NLRP5: variants seen among roughly 807,000 people sequenced by gnomAD.
NLRP5 encodes NACHT, LRR and PYD domains-containing protein 5.
NLRP5 carries 93 observed loss-of-function variants against 113.1 expected under a neutral mutation model. That is an observed-to-expected ratio of 0.82 (90% CI 0.70 to 0.98). The LOEUF (loss-of-function observed/expected upper bound fraction) is 0.98. Among genes scored for constraint, NLRP5 ranks in the 50% least tolerant of loss-of-function variants. The pLI, the probability that NLRP5 is intolerant of heterozygous loss-of-function variation, is 0.00. For missense variants in NLRP5, 1,808 were observed against 1,514.3 expected, an observed-to-expected ratio of 1.19 and a Z score of -3.22; for synonymous variants, 751 against 600.7, an observed-to-expected ratio of 1.25 and a Z score of -3.66.
the NLRP5 span, chr19:55,988,400 GAAAA>G: frequency 3.2e-5 from 3 of 92,572 alleles, no homozygotes; most frequent in African/African-American, 8.5e-5. Context: ...GTCTCAAGAA[GAAAA>G]AAAAAATACA....
At chr19:56,018,385 G>T (rs1599885574) in intron 4 of NLRP5, among the ~76,000 whole-genome samples, 1 of 152,108 alleles carries the variant, frequency 6.6e-6, no homozygotes, top group East Asian at 1.9e-4. Context: ...TATATATAGT[G>T]GTTATTCTCA....
intron 9 of NLRP5, among the ~76,000 whole-genome samples, chr19:56,036,230 A>T (rs1366302400): frequency 6.6e-6 from 1 of 150,798 alleles, no homozygotes; most frequent in East Asian, 2.0e-4. Flanking sequence ...CGCCCGGCTA[A>T]TTTTTTTGTA....
chr19:56,042,680 T>G (rs1001250395), intron 11 of NLRP5, among the ~76,000 whole-genome samples: 3 of 152,150 alleles, frequency 2.0e-5, no homozygotes, highest in Non-Finnish European at 4.4e-5. Context: ...TGATTTGTGA[T>G]ATTTTGGTGC....
chr19:56,010,755 AGTCCCTTG>A (rs1982155893), intron 3 of NLRP5, among the ~76,000 whole-genome samples: 59 of 125,724 alleles, frequency 4.7e-4, no homozygotes, highest in South Asian at 7.4e-4. Flanking sequence ...AAAAAAAAAA[AGTCCCTTG>A]AAACTAAGCC....
chr19:56,011,480 T>C lies in NLRP5; in HGVS notation c.508+2627T>C, dbSNP rs546982989. ...CACTTTCAATGGGTGAATTGTATGA[T>C]TTGTGAAATTTATTTCTGTAAATCT... On this transcript the variant is annotated intron_variant, in intron 3 of 14. Transcript: ENST00000390649. 7.2e-5 allele frequency among the ~76,000 whole-genome samples: 11 copies of C among 152,274 alleles called. No homozygotes were observed. The East Asian group carries it at 1.4e-3, about 19-fold the overall frequency.
At chr19:55,989,870 C>T in the NLRP5 span, among the ~76,000 whole-genome samples, 7 of 152,124 alleles carry the variant, frequency 4.6e-5, no homozygotes, top group African/African-American at 7.2e-5. Context: ...GTTAAAGTAC[C>T]GTCCAAAAAG....
rs1197790954 is a variant in NLRP5, at chr19:56,019,472, A to G, written c.622+74A>G. ...GGTGAAAGAAGTGTAAGTAGTTTAG[A>G]TTTCAAGGGTATGTAGTTTAGATTG... On this transcript the variant is annotated intron_variant, in intron 5 of 14. Coordinates refer to ENST00000390649, the MANE Select transcript of NLRP5 (RefSeq NM_153447.4). 3 of 1,472,446 alleles carry G rather than the reference A, an allele frequency of 2.0e-6. No homozygotes were observed. The African/African-American group carries it at 4.2e-5, about 21-fold the overall frequency. The allele number at this position is 1,472,446 out of a possible 1,614,324, so 91.2% of individuals were successfully genotyped here. A position where few individuals can be genotyped will look rare whatever the true frequency, so the allele number is the denominator to read the frequency against.
At chr19:56,019,042 C>T (rs975307889) in intron 4 of NLRP5, among the ~76,000 whole-genome samples, 217 of 152,170 alleles carry the variant, frequency 1.4e-3, no homozygotes, top group Non-Finnish European at 2.4e-3. Context: ...GTGATCTGCC[C>T]GCCTCGGCCT....
At chr19:56,037,332 C>T (rs1197334291) in intron 9 of NLRP5, among the ~76,000 whole-genome samples, 1 of 152,110 alleles carries the variant, frequency 6.6e-6, no homozygotes. Context: ...AACCAGGCCT[C>T]CACCTTCATG....
At chr19:56,001,452 GA>G (rs371474344) in intron 1 of NLRP5, among the ~76,000 whole-genome samples, 80,739 of 151,354 alleles carry the variant, frequency 0.53, 21,812 homozygotes, top group East Asian at 0.86. Context: ...CTAATTACTT[GA>G]AATTTTATAA....
intron 3 of NLRP5, among the ~76,000 whole-genome samples, chr19:56,011,925 C>T (rs550706670): frequency 1.3e-5 from 2 of 152,104 alleles, no homozygotes; most frequent in Non-Finnish European, 2.9e-5. Flanking sequence ...TTCCTGACCT[C>T]AGGTGATCCA....
chr19:55,997,588 C>T (rs1318876974), upstream of NLRP5, among the ~76,000 whole-genome samples: 3 of 152,076 alleles, frequency 2.0e-5, no homozygotes, highest in Admixed American at 2.0e-4. Context: ...TCCCAGCACT[C>T]TGGGAAGCCA....
chr19:56,026,040 C>T (rs1351270833), intron 6 of NLRP5, among the ~76,000 whole-genome samples: 2 of 152,060 alleles, frequency 1.3e-5, no homozygotes, highest in Non-Finnish European at 2.9e-5. Flanking sequence ...CAAAAAGGGA[C>T]ATCGGGTTGA....
intron 9 of NLRP5, among the ~76,000 whole-genome samples, chr19:56,035,820 T>A (rs1983289462): frequency 6.6e-6 from 1 of 152,092 alleles, no homozygotes; most frequent in South Asian, 2.1e-4. Flanking sequence ...AATGGGAGAC[T>A]TTGACATTGG....
rs1296681357 is a variant in NLRP5, at chr19:56,005,132, TACAC to T, written c.442+1045_442+1048del. ...AATATATATATATATATATAATATA[TACAC>T]ACACACATATATACACACACATATA... On this transcript the variant is annotated intron_variant, in intron 2 of 14. Transcript: ENST00000390649. Among the ~76,000 whole-genome samples the T allele has an allele frequency of 2.1e-5, 3 of 144,146 alleles. No individual in the cohort carries two copies. The South Asian group carries it at 6.5e-4, about 31-fold the overall frequency. 94.6% of individuals were successfully genotyped at this position (144,146 alleles called of 152,430 possible). A position where few individuals can be genotyped will look rare whatever the true frequency, so the allele number is the denominator to read the frequency against.
At position 56,058,462 on chromosome 19, in the gene NLRP5, C is replaced by G. The variant is rs10426016; in HGVS notation, c.3470+52C>G. Reference sequence around the variant, plus strand: ...GATACAGACCTGCTTCTGTTCCAGGCTTGTTAGCTGGTGGAGAAGCAGTTT... The same window carrying G: ...GATACAGACCTGCTTCTGTTCCAGGGTTGTTAGCTGGTGGAGAAGCAGTTT... On this transcript the variant is annotated intron_variant, in intron 14 of 14. Transcript: ENST00000390649. 6.5e-3 allele frequency: 9,679 copies of G among 1,495,120 alleles called. 362 individuals are homozygous for G. In the African/African-American group the frequency reaches 0.086, roughly 13 times the overall value. The allele number at this position is 1,495,120 out of a possible 1,614,324, so 92.6% of individuals were successfully genotyped here. A position where few individuals can be genotyped will look rare whatever the true frequency, so the allele number is the denominator to read the frequency against.
intron 1 of NLRP5, 68 bp from the exon 2 acceptor site, chr19:56,003,668 A>G: frequency 6.5e-7 from 1 of 1,530,736 alleles, no homozygotes; most frequent in Non-Finnish European, 8.8e-7. Flanking sequence ...GAGGTGATTG[A>G]TGTTAGTTGT....
In NLRP5 at chr19:56,003,866, G is replaced by T. The variant is rs557226024; in HGVS notation, c.213G>T (p.Glu71Asp). 62 of 1,613,980 alleles carry T rather than the reference G, an allele frequency of 3.8e-5. No individual in the cohort carries two copies. In the East Asian group the frequency reaches 1.3e-3, roughly 34 times the overall value. ...ACGGGCTGCAATGGTGTCTCTATGA[G>T]CTAGACAAGGAAGAATTTCAGACAT... Residue 71 changes from glutamate to aspartate, a missense_variant, in exon 2 of 15, where the codon GAG becomes GAT. Transcript: ENST00000390649.
chr19:55,987,898 C>T, the NLRP5 span: 1 of 1,613,010 alleles, frequency 6.2e-7, no homozygotes, highest in Non-Finnish European at 8.5e-7. Context: ...ACTGCCTATC[C>T]CAGATTAATC....
Sources: allele counts gnomAD v4.1 joint callset (sites outside exome capture counted in the v4.1 genomes callset), GRCh38; gene constraint gnomAD v4.1.1; transcripts MANE v1.5; gene names NCBI Gene and HGNC (gene_info 2026-07-23, HGNC 2026-07-21).